CNOT6L: variants seen among roughly 807,000 people sequenced by gnomAD.
CNOT6L encodes the protein CCR4-NOT transcription complex subunit 6-like.
A neutral mutation model predicts 64.0 loss-of-function variants in CNOT6L; 7 were observed. The observed-to-expected ratio is 0.11, with a 90% CI of 0.06 to 0.21. The LOEUF (loss-of-function observed/expected upper bound fraction) is 0.21. CNOT6L is among the 10% of genes least tolerant of loss of function. CNOT6L has a pLI of 1.00. For missense variants in CNOT6L, 245 were observed against 669.0 expected (o/e 0.37, Z 6.99); for synonymous variants, 193 against 243.4 (o/e 0.79, Z 1.93).
intron 4 of CNOT6L, among the ~76,000 whole-genome samples, chr4:77,769,340 T>A (rs1168222251): frequency 6.6e-6 from 1 of 152,128 alleles, no homozygotes; most frequent in African/African-American, 2.4e-5. Context: ...TGACAAGGTG[T>A]GTTTGTGCCT....
intron 8 of CNOT6L, among the ~76,000 whole-genome samples, chr4:77,734,363 A>G (rs961268811): frequency 1.3e-5 from 2 of 152,154 alleles, no homozygotes; most frequent in African/African-American, 2.4e-5. Flanking sequence ...ATACACACAC[A>G]TATTTTTACG....
chr4:77,780,449 C>T (rs755732109), intron 1 of CNOT6L, among the ~76,000 whole-genome samples: 7 of 152,230 alleles, frequency 4.6e-5, no homozygotes, highest in Non-Finnish European at 7.3e-5. Context: ...GTTAGCAACA[C>T]CTTTCCAACT....
intron 1 of CNOT6L, among the ~76,000 whole-genome samples, chr4:77,808,664 G>GTTAAA (rs1732531955): frequency 6.6e-6 from 1 of 152,062 alleles, no homozygotes. Flanking sequence ...GAGATATAAT[G>GTTAAA]GAAGTTGTAG....
At chr4:77,787,235 C>T (rs1729561368) in intron 1 of CNOT6L, among the ~76,000 whole-genome samples, 2 of 148,130 alleles carry the variant, frequency 1.4e-5, no homozygotes, top group South Asian at 4.3e-4. Context: ...CACTGCACTC[C>T]AGCCTGGGCA....
chr4:77,816,466 TC>T (rs1733588262), intron 1 of CNOT6L, among the ~76,000 whole-genome samples: 1 of 152,114 alleles, frequency 6.6e-6, no homozygotes, highest in East Asian at 1.9e-4. Flanking sequence ...AAATACACAC[TC>T]CCACAACACA....
intron 5 of CNOT6L, among the ~76,000 whole-genome samples, chr4:77,755,026 G>A (rs547576580): frequency 6.6e-6 from 1 of 150,564 alleles, no homozygotes; most frequent in Admixed American, 6.6e-5. Context: ...AATTGGACTG[G>A]AGTACATTAA....
chr4:77,776,189 T>C, intron 2 of CNOT6L, 82 bp downstream of exon 2: 1 of 1,412,386 alleles, frequency 7.1e-7, no homozygotes, highest in Non-Finnish European at 9.8e-7. Flanking sequence ...TAATTAAAAA[T>C]GTACAACAAA....
At position 77,768,479 on chromosome 4, in the gene CNOT6L, ATATATAT is replaced by A. The variant is rs1560412372; in HGVS notation, c.400+4595_400+4601del. 0.01 allele frequency among the ~76,000 whole-genome samples: 39 copies of A among 3,760 alleles called. No individual in the cohort carries two copies. The East Asian group carries it at 0.15, about 14-fold the overall frequency. 2.5% of individuals were successfully genotyped at this position (3,760 alleles called of 152,430 possible). Reference sequence around the variant, plus strand: ...GACTCTGTCTAAAATAAATAAATATATATATATATATATATATATATATATATATATA... The same window carrying A: ...GACTCTGTCTAAAATAAATAAATATAATATATATATATATATATATATATA... On this transcript the variant is annotated intron_variant, in intron 4 of 11. Coordinates refer to ENST00000504123, the MANE Select transcript of CNOT6L (RefSeq NM_144571.3).
intron 5 of CNOT6L, among the ~76,000 whole-genome samples, chr4:77,753,903 A>T (rs1338719799): frequency 1.3e-4 from 1 of 7,722 alleles, no homozygotes; most frequent in Admixed American, 2.4e-3. Context: ...ACTCATGTTA[A>T]AAAAAAAAAA....
chr4:77,776,437 T>C, intron 1 of CNOT6L, 45 bp from the exon 2 acceptor site: 1 of 1,389,236 alleles, frequency 7.2e-7, no homozygotes, highest in Non-Finnish European at 9.8e-7. Flanking sequence ...ATTATAGTCT[T>C]ACTTTAAAAA....
intron 1 of CNOT6L, among the ~76,000 whole-genome samples, chr4:77,814,758 T>G (rs1006169223): frequency 2.0e-5 from 3 of 152,124 alleles, no homozygotes; most frequent in African/African-American, 7.2e-5. Context: ...AACCAAACTC[T>G]TAGAATAAAA....
chr4:77,761,133 A>G (rs1726180599), intron 4 of CNOT6L, among the ~76,000 whole-genome samples: 1 of 152,016 alleles, frequency 6.6e-6, no homozygotes, highest in South Asian at 2.1e-4. Context: ...ATGGATAGAA[A>G]ACATCAGCAA....
At chr4:77,774,462 G>T in intron 3 of CNOT6L, 68 bp downstream of exon 3, 1 of 1,252,682 alleles carries the variant, frequency 8.0e-7, no homozygotes, top group Non-Finnish European at 1.1e-6. Context: ...CTGTAATAAA[G>T]TAACATCCCC....
intron 1 of CNOT6L, among the ~76,000 whole-genome samples, chr4:77,813,598 T>C (rs1464400024): frequency 6.6e-6 from 1 of 151,800 alleles, no homozygotes. Context: ...GGGCAAAGAA[T>C]TTGAGTCTTT....
intron 4 of CNOT6L, among the ~76,000 whole-genome samples, chr4:77,771,770 T>C (rs1727585279): frequency 6.6e-6 from 1 of 152,230 alleles, no homozygotes; most frequent in African/African-American, 2.4e-5. Flanking sequence ...TGATCCATTA[T>C]ATAACAAAAG....
intron 1 of CNOT6L, among the ~76,000 whole-genome samples, chr4:77,796,127 T>C (rs13144226): frequency 0.79 from 119,381 of 151,752 alleles, 47,805 homozygotes; most frequent in Non-Finnish European, 0.86. Context: ...TAATATCTAA[T>C]AGGTAGTTGT....
chr4:77,819,179 C>G (rs1734006189), intron 1 of CNOT6L, 125 bp downstream of exon 1: 1 of 1,592,400 alleles, frequency 6.3e-7, no homozygotes, highest in Non-Finnish European at 8.6e-7. Context: ...GCCGCCTCCC[C>G]GCCCGCCAAA....
chr4:77,759,973 G>A (rs1468896745), intron 4 of CNOT6L, among the ~76,000 whole-genome samples: 1 of 152,144 alleles, frequency 6.6e-6, no homozygotes, highest in African/African-American at 2.4e-5. Flanking sequence ...AATAAAACTA[G>A]ATACCAACAG....
rs142888128 is a variant in CNOT6L, at chr4:77,743,586, C to CTTTTTTTTTTTTTTTTTT, written c.717+1114_717+1131dup. Among the ~76,000 whole-genome samples, 6 of 70,890 alleles carry CTTTTTTTTTTTTTTTTTT rather than the reference C, an allele frequency of 8.5e-5. 1 individual carries two copies. Among genetic ancestry groups the CTTTTTTTTTTTTTTTTTT allele is most frequent in the African/African-American group, 4.1e-4 (6 of 14,640 alleles). 46.5% of individuals were successfully genotyped at this position (70,890 alleles called of 152,430 possible). A position where few individuals can be genotyped will look rare whatever the true frequency, so the allele number is the denominator to read the frequency against. Reference sequence around the variant, plus strand: ...GAATGTGTGAAATTGTAACACACAACTTTTTTTTTTTTTTTTTTTTTTTTT... The same window carrying CTTTTTTTTTTTTTTTTTT: ...GAATGTGTGAAATTGTAACACACAACTTTTTTTTTTTTTTTTTTTTTTTTTTTTTTTTTTTTTTTTTTT... On this transcript the variant is annotated intron_variant, in intron 7 of 11. Coordinates refer to ENST00000504123, the MANE Select transcript of CNOT6L (RefSeq NM_144571.3).
Sources: gnomAD v4.1 joint callset for allele counts (sites outside exome capture counted in the v4.1 genomes callset) on GRCh38, gnomAD v4.1.1 for gene constraint, MANE v1.5 for transcripts, NCBI Gene and HGNC (gene_info 2026-07-23, HGNC 2026-07-21) for gene names.